MTUS1: variants seen among roughly 807,000 people sequenced by gnomAD.
MTUS1 encodes microtubule associated scaffold protein 1, also known as microtubule-associated tumor suppressor 1.
MTUS1 carries 109 observed loss-of-function variants against 120.8 expected under a neutral mutation model. That is an observed-to-expected ratio of 0.90 (90% CI 0.77 to 1.06). The LOEUF (loss-of-function observed/expected upper bound fraction) is 1.06, where lower values mean the gene tolerates loss of function less well. Ranked by LOEUF, MTUS1 falls within the 50% of genes least tolerant of loss-of-function variation. The probability of loss-of-function intolerance (pLI) is 0.00; values close to 1 mark genes in which losing one functional copy is unlikely to be tolerated. For synonymous variants in MTUS1, 737 were observed against 550.5 expected, an observed-to-expected ratio of 1.34 and a Z score of -4.74; for missense variants, 2,210 against 1,486.3, an observed-to-expected ratio of 1.49 and a Z score of -8.01.
chr8:17,798,008 C>T (rs1474857556), intron 1 of MTUS1, among the ~76,000 whole-genome samples: 1 of 152,086 alleles, frequency 6.6e-6, no homozygotes, highest in Non-Finnish European at 1.5e-5. Flanking sequence ...GTATGCAGTA[C>T]ATTTGTCTGG....
In MTUS1 at chr8:17,754,207, G is replaced by C. The variant is rs1363575911; in HGVS notation, c.1601C>G (p.Pro534Arg). 1 of 1,613,892 alleles carries C rather than the reference G, an allele frequency of 6.2e-7. No individual in the cohort carries two copies. Among genetic ancestry groups the C allele is most frequent in the Non-Finnish European group, 8.5e-7 (1 of 1,180,028 alleles). ...GGGTGATGAGGCACTGGTCTGCTGAGGTCTGGGCGTGACCTTTGATAAAGC... is the reference window on the plus strand; with the variant it reads ...GGGTGATGAGGCACTGGTCTGCTGACGTCTGGGCGTGACCTTTGATAAAGC... The part of the protein sequence containing the change: ...DAALSKVTPR[P>R]QQTSASSPSS... The change falls in exon 2 of 15, where the codon CCT becomes CGT. Residue 534 changes from proline (P) to arginine (R), a missense_variant. Transcript: ENST00000693296.
intron 1 of MTUS1, among the ~76,000 whole-genome samples, chr8:17,773,022 C>G (rs1375049454): frequency 6.6e-6 from 1 of 152,122 alleles, no homozygotes; most frequent in Non-Finnish European, 1.5e-5. Flanking sequence ...ATTGTTCATG[C>G]AATATACACA....
At chr8:17,799,789 G>A (rs1490506184) in intron 1 of MTUS1, among the ~76,000 whole-genome samples, 2 of 152,048 alleles carry the variant, frequency 1.3e-5, no homozygotes, top group Non-Finnish European at 2.9e-5. Context: ...AAAAGAACAG[G>A]TGAAAAAACG....
chr8:17,740,633 A>G (rs567792835), intron 3 of MTUS1, among the ~76,000 whole-genome samples: 9 of 152,356 alleles, frequency 5.9e-5, no homozygotes, highest in African/African-American at 1.4e-4. Context: ...TCTGTAAAAC[A>G]TAATACAGTA....
chr8:17,754,208 G>T lies in MTUS1; in HGVS notation c.1600C>A (p.Pro534Thr). ...DAALSKVTPR[P>T]QQTSASSPSS... Reference sequence around the variant, plus strand: ...GGTGATGAGGCACTGGTCTGCTGAGGTCTGGGCGTGACCTTTGATAAAGCA... The same window carrying T: ...GGTGATGAGGCACTGGTCTGCTGAGTTCTGGGCGTGACCTTTGATAAAGCA... Residue 534 changes from proline to threonine, a missense_variant, in exon 2 of 15, where the codon CCT becomes ACT. Pro to Thr is a conservative substitution (Grantham distance 38). Coordinates refer to ENST00000693296, the MANE Select transcript of MTUS1 (RefSeq NM_001363059.2). 2.5e-6 allele frequency: 4 copies of T among 1,614,054 alleles called. No individual in the cohort carries two copies. Among genetic ancestry groups the T allele is most frequent in the Non-Finnish European group, 3.4e-6 (4 of 1,180,024 alleles).
intron 6 of MTUS1, among the ~76,000 whole-genome samples, chr8:17,698,225 G>A (rs1425102928): frequency 2.0e-5 from 3 of 152,160 alleles, no homozygotes; most frequent in African/African-American, 4.8e-5. Context: ...TACATTTATT[G>A]CATGAGTAAT....
chr8:17,736,853 G>A (rs961191758), intron 3 of MTUS1, among the ~76,000 whole-genome samples: 2 of 152,094 alleles, frequency 1.3e-5, no homozygotes, highest in Non-Finnish European at 2.9e-5. Flanking sequence ...CCAAAGTGCT[G>A]GGATTATAGG....
At chr8:17,700,251 C>G (rs1818777857) in intron 6 of MTUS1, among the ~76,000 whole-genome samples, 1 of 151,810 alleles carries the variant, frequency 6.6e-6, no homozygotes, top group Non-Finnish European at 1.5e-5. Context: ...GTGGGATCAC[C>G]TGAGGTCAGA....
intron 8 of MTUS1, among the ~76,000 whole-genome samples, chr8:17,671,551 C>T (rs924280459): frequency 6.6e-6 from 1 of 152,182 alleles, no homozygotes. Context: ...ACAGTGGAAA[C>T]ACACAGGCTG....
At chr8:17,788,857 G>C (rs1038982401) in intron 1 of MTUS1, among the ~76,000 whole-genome samples, 2 of 152,094 alleles carry the variant, frequency 1.3e-5, no homozygotes, top group African/African-American at 4.8e-5. Flanking sequence ...AGGCAAAACA[G>C]TAAGTTTCAG....
In MTUS1 at chr8:17,645,852, C is replaced by A; in HGVS notation, c.*74G>T. 1 of 1,523,392 alleles carries A rather than the reference C, an allele frequency of 6.6e-7. No homozygotes were observed. The highest frequency in any genetic ancestry group is 1.4e-5 in the African/African-American group (1 of 73,410). 94.4% of individuals were successfully genotyped at this position (1,523,392 alleles called of 1,614,324 possible). On this transcript the variant is annotated 3_prime_UTR_variant, in exon 15 of 15. Coordinates refer to ENST00000693296, the MANE Select transcript of MTUS1 (RefSeq NM_001363059.2). ...TGTGCTGATATACCTCTTGTGCCCA[C>A]GTTCCTCCTTGGGGTCAGTCCTGCA...
At chr8:17,690,974 T>C (rs963112938) in intron 6 of MTUS1, among the ~76,000 whole-genome samples, 3 of 132,576 alleles carry the variant, frequency 2.3e-5, no homozygotes, top group African/African-American at 8.4e-5. Flanking sequence ...TGAAAGAGGC[T>C]TTAAAGCTCA....
chr8:17,685,876 A>T (rs571248840), intron 6 of MTUS1, among the ~76,000 whole-genome samples: 1 of 152,356 alleles, frequency 6.6e-6, no homozygotes, highest in South Asian at 2.1e-4. Context: ...AATTATTAGT[A>T]GTAGCTTATG....
At chr8:17,723,900 C>G (rs968015000) in intron 3 of MTUS1, 67 bp from the exon 4 acceptor site, 2 of 1,362,368 alleles carry the variant, frequency 1.5e-6, no homozygotes, top group African/African-American at 2.9e-5. Context: ...CTTTTTAAGC[C>G]TGTAAACTCA....
chr8:17,675,417 G>A (rs192885761), intron 7 of MTUS1, among the ~76,000 whole-genome samples, 165 bp from the exon 8 acceptor site: 102 of 152,316 alleles, frequency 6.7e-4, no homozygotes, highest in Middle Eastern at 3.4e-3. Context: ...TTGTCCCTTA[G>A]CTGTTAAGGA....
chr8:17,652,196 T>C (rs1427388308), intron 12 of MTUS1, among the ~76,000 whole-genome samples: 1 of 152,124 alleles, frequency 6.6e-6, no homozygotes, highest in Non-Finnish European at 1.5e-5. Flanking sequence ...AGACAAAGGT[T>C]GGGGTAAGGC....
chr8:17,781,654 C>CA (rs1318712917), intron 1 of MTUS1, among the ~76,000 whole-genome samples: 7 of 152,302 alleles, frequency 4.6e-5, no homozygotes, highest in African/African-American at 1.4e-4. Context: ...TCCCCCTACA[C>CA]ACGCCAAGAA....
intron 3 of MTUS1, among the ~76,000 whole-genome samples, chr8:17,740,983 A>G (rs1456869495): frequency 6.7e-6 from 1 of 150,292 alleles, no homozygotes; most frequent in African/African-American, 2.4e-5. Flanking sequence ...CTCCTGCCTC[A>G]CCCTCCCCAA....
At chr8:17,716,361 G>C (rs573667194) in intron 4 of MTUS1, 1 of 153,754 alleles carries the variant, frequency 6.5e-6, no homozygotes, top group African/African-American at 2.4e-5. Context: ...TCAAATCCTT[G>C]CTCCTACAGC....
Sources: gnomAD v4.1 joint callset for allele counts (sites outside exome capture counted in the v4.1 genomes callset) on GRCh38, gnomAD v4.1.1 for gene constraint, MANE v1.5 for transcripts, NCBI Gene and HGNC (gene_info 2026-07-23, HGNC 2026-07-21) for gene names.